The following ZMYM2 variants were observed in gnomAD, a reference collection of about 807,000 sequenced individuals.
ZMYM2 encodes the protein zinc finger MYM-type containing 2, also known as zinc finger MYM-type protein 2.
In ZMYM2, 56 loss-of-function variants were observed where a neutral mutation model predicts 162.8. The observed-to-expected ratio is 0.34, with a 90% CI of 0.28 to 0.43. The LOEUF (loss-of-function observed/expected upper bound fraction) is 0.43, where lower values mean the gene tolerates loss of function less well. ZMYM2 is among the 20% of genes least tolerant of loss of function. The pLI is 1.00. For synonymous variants in ZMYM2, 510 were observed against 541.6 expected (o/e 0.94, Z 0.81); for missense variants, 1,275 against 1,621.8 (o/e 0.79, Z 3.67).
intron 6 of ZMYM2, among the ~76,000 whole-genome samples, chr13:20,010,001 G>A (rs568182159): frequency 1.2e-4 from 19 of 152,120 alleles, no homozygotes; most frequent in Admixed American, 2.6e-4. Context: ...TTACACAACC[G>A]TACCATTTTA....
chr13:19,888,587 A>G, the ZMYM2 span, among the ~76,000 whole-genome samples: 2 of 151,796 alleles, frequency 1.3e-5, no homozygotes, highest in African/African-American at 4.8e-5. Flanking sequence ...GATCCTCTTC[A>G]TTTATTTATT....
chr13:19,975,810 A>C (rs938328038), intron 2 of ZMYM2, among the ~76,000 whole-genome samples: 1 of 152,168 alleles, frequency 6.6e-6, no homozygotes, highest in African/African-American at 2.4e-5. Flanking sequence ...CCAATTTCTG[A>C]AAGTCTTTAT....
chr13:19,914,072 A>G, the ZMYM2 span, among the ~76,000 whole-genome samples: 105,738 of 152,128 alleles, frequency 0.7, 38,216 homozygotes, highest in East Asian at 0.84. Flanking sequence ...GGCCAGATGT[A>G]TAATTATGTA....
At chr13:20,045,981 C>CT (rs956844800) in intron 12 of ZMYM2, among the ~76,000 whole-genome samples, 6 of 150,866 alleles carry the variant, frequency 4.0e-5, no homozygotes, top group African/African-American at 1.5e-4. Context: ...GTGGCTTATG[C>CT]TTGTAATCCC....
the ZMYM2 span, among the ~76,000 whole-genome samples, chr13:19,914,709 C>T: frequency 2.6e-5 from 4 of 152,202 alleles, no homozygotes; most frequent in Non-Finnish European, 2.9e-5. Flanking sequence ...CAAAGCATTG[C>T]TTCTGATCAA....
chr13:19,879,350 C>A, the ZMYM2 span, among the ~76,000 whole-genome samples: 1 of 152,176 alleles, frequency 6.6e-6, no homozygotes, highest in East Asian at 1.9e-4. Flanking sequence ...CTGAGGTGGG[C>A]AAATTGCTTG....
intron 5 of ZMYM2, among the ~76,000 whole-genome samples, chr13:20,006,051 G>C (rs1950715948): frequency 1.3e-5 from 2 of 152,090 alleles, no homozygotes; most frequent in African/African-American, 2.4e-5. Context: ...GGGAAGCATA[G>C]TGGGACCCTA....
At chr13:20,078,852 AG>A (rs1222568571) in intron 21 of ZMYM2, among the ~76,000 whole-genome samples, 1 of 152,274 alleles carries the variant, frequency 6.6e-6, no homozygotes, top group East Asian at 1.9e-4. Flanking sequence ...TGTGGCTACT[AG>A]AATAAAGTTA....
intron 9 of ZMYM2, 30 bp downstream of exon 9, chr13:20,027,348 C>G (rs1165151084): frequency 6.8e-7 from 1 of 1,465,684 alleles, no homozygotes. Context: ...TAACCCATGC[C>G]CCCAATAAAA....
chr13:19,939,836 T>C, the ZMYM2 span, among the ~76,000 whole-genome samples: 1 of 152,224 alleles, frequency 6.6e-6, no homozygotes, highest in Non-Finnish European at 1.5e-5. Flanking sequence ...CATTTTATTC[T>C]CATTACAGTC....
In ZMYM2 at chr13:20,019,591, G is replaced by T. The variant is rs201534436; in HGVS notation, c.1557G>T (p.Met519Ile). 2.5e-6 allele frequency: 4 copies of T among 1,597,822 alleles called. No individual in the cohort carries two copies. The highest frequency in any genetic ancestry group is 3.5e-5 in the Admixed American group (2 of 57,906). Reference protein sequence around the residue: ...PSFLKEVRDHMQDSFLMQPEK... With the variant: ...PSFLKEVRDHIQDSFLMQPEK... ...TCCTGAAGGAGGTTCGAGATCACAT[G>T]CAGGACTCTTTCTTAATGCAGCCTG... The change falls in exon 7 of 25, where the codon ATG (methionine) becomes ATT (isoleucine). Residue 519 changes from methionine to isoleucine, a missense_variant. By Grantham distance (10) the Met-to-Ile change is conservative. Around this residue, in one of 10 missense-constraint regions of ZMYM2, gnomAD observed 276 missense variants for 311.8 expected, o/e 0.89. Coordinates refer to ENST00000610343, the MANE Select transcript of ZMYM2 (RefSeq NM_197968.4).
At chr13:19,979,594 A>C (rs996885187) in intron 2 of ZMYM2, among the ~76,000 whole-genome samples, 11 of 152,200 alleles carry the variant, frequency 7.2e-5, no homozygotes, top group Non-Finnish European at 1.2e-4. Context: ...TAGATGCTAC[A>C]GGGAAAGCTG....
At chr13:19,988,615 C>G (rs774890181) in intron 2 of ZMYM2, among the ~76,000 whole-genome samples, 8 of 152,068 alleles carry the variant, frequency 5.3e-5, no homozygotes, top group African/African-American at 7.2e-5. Flanking sequence ...AACCCCGTCT[C>G]TACTGAAAAC....
intron 10 of ZMYM2, among the ~76,000 whole-genome samples, chr13:20,032,701 C>T (rs1164380631): frequency 6.7e-6 from 1 of 149,180 alleles, no homozygotes; most frequent in African/African-American, 2.5e-5. Context: ...CTCCACCTCC[C>T]AGGTTCAAGC....
the ZMYM2 span, among the ~76,000 whole-genome samples, chr13:19,883,749 GGT>G: frequency 3.3e-5 from 5 of 151,982 alleles, no homozygotes; most frequent in Admixed American, 2.0e-4. Flanking sequence ...ATATTCTCAT[GGT>G]ATATATATAT....
intron 14 of ZMYM2, among the ~76,000 whole-genome samples, chr13:20,056,636 A>T (rs1955817650): frequency 1.3e-5 from 2 of 152,142 alleles, no homozygotes; most frequent in South Asian, 4.1e-4. Context: ...CAGTCCATTG[A>T]TAACTGTTGG....
upstream of ZMYM2, among the ~76,000 whole-genome samples, chr13:19,956,350 A>T (rs1954519220): frequency 6.6e-6 from 1 of 152,232 alleles, no homozygotes; most frequent in African/African-American, 2.4e-5. Flanking sequence ...ATAATATTCC[A>T]TTGTATGGAT....
At chr13:19,919,660 T>C in the ZMYM2 span, among the ~76,000 whole-genome samples, 2 of 145,962 alleles carry the variant, frequency 1.4e-5, no homozygotes, top group South Asian at 2.1e-4. Context: ...AATGTCTCTT[T>C]ATATGTTTTT....
the ZMYM2 span, among the ~76,000 whole-genome samples, chr13:19,916,799 C>A: frequency 1.3e-5 from 2 of 152,018 alleles, no homozygotes; most frequent in Non-Finnish European, 2.9e-5. Context: ...CAACAGGGCG[C>A]ATGTATACAT....
Sources: gnomAD v4.1 joint callset for allele counts (sites outside exome capture counted in the v4.1 genomes callset) on GRCh38, gnomAD v4.1.1 for gene constraint, gnomAD v4.1.1 regional missense constraint, MANE v1.5 for transcripts, NCBI Gene and HGNC (gene_info 2026-07-23, HGNC 2026-07-21) for gene names.